SETBP1: variants seen among roughly 807,000 people sequenced by gnomAD.
SETBP1 encodes SET-binding protein.
In SETBP1, 9 loss-of-function variants were observed where a neutral mutation model predicts 101.0. The observed-to-expected ratio is 0.09, with a 90% CI of 0.05 to 0.16. The LOEUF is 0.16. Ranked by LOEUF, SETBP1 falls within the 10% of genes least tolerant of loss-of-function variation. The pLI, the probability that SETBP1 is intolerant of heterozygous loss-of-function variation, is 1.00. For missense variants in SETBP1, 1,858 were observed against 2,033.8 expected (o/e 0.91, Z 1.66); for synonymous variants, 818 against 788.5 (o/e 1.04, Z -0.63).
intron 5 of SETBP1, among the ~76,000 whole-genome samples, chr18:45,039,022 G>A (rs1175012693): frequency 6.6e-6 from 1 of 152,144 alleles, no homozygotes; most frequent in East Asian, 1.9e-4. Flanking sequence ...ATAAGCACTT[G>A]TATCCTCATT....
At chr18:44,957,584 T>C (rs2071517092) in intron 4 of SETBP1, among the ~76,000 whole-genome samples, 1 of 152,130 alleles carries the variant, frequency 6.6e-6, no homozygotes, top group South Asian at 2.1e-4. Context: ...CCTGGCCCCC[T>C]CCACCTCTCC....
chr18:44,976,421 A>G (rs1390823271), intron 4 of SETBP1, among the ~76,000 whole-genome samples: 12 of 152,208 alleles, frequency 7.9e-5, no homozygotes, highest in African/African-American at 2.9e-4. Context: ...ATTAAAAAAG[A>G]TTTGCATGGT....
At chr18:44,807,223 G>A (rs1249542779) in intron 2 of SETBP1, among the ~76,000 whole-genome samples, 4 of 152,030 alleles carry the variant, frequency 2.6e-5, no homozygotes, top group Non-Finnish European at 5.9e-5. Flanking sequence ...TTTATAGATT[G>A]TACATATAGT....
intron 2 of SETBP1, among the ~76,000 whole-genome samples, chr18:44,803,485 C>G (rs544061589): frequency 6.6e-6 from 1 of 152,286 alleles, no homozygotes; most frequent in Non-Finnish European, 1.5e-5. Flanking sequence ...ACTTCTTAGA[C>G]TGAGTCTCCC....
intron 2 of SETBP1, among the ~76,000 whole-genome samples, chr18:44,830,593 G>A (rs552447698): frequency 4.6e-5 from 7 of 152,266 alleles, no homozygotes; most frequent in African/African-American, 1.7e-4. Context: ...CTGCTTATTT[G>A]ATTGTGCAGT....
Position 44,701,433 on chromosome 18 carries a change from T to G in SETBP1, c.87T>G (p.Ala29=). The G allele has an allele frequency of 6.2e-7, 1 of 1,605,752 alleles. No homozygotes were observed. Among genetic ancestry groups the G allele is most frequent in the South Asian group, 1.1e-5 (1 of 90,134 alleles). ...FLPVSSAKPP[A]APGCAGEPLL... is the part of the protein sequence containing the mutation. Reference sequence around the variant, plus strand: ...CGGTCTCCTCAGCCAAGCCCCCAGCTGCTCCTGGCTGTGCAGGAGAACCTT... The same window carrying G: ...CGGTCTCCTCAGCCAAGCCCCCAGCGGCTCCTGGCTGTGCAGGAGAACCTT... The change falls in exon 2 of 6, where the codon GCT becomes GCG. Residue 29 remains alanine (A), a synonymous_variant. Coordinates refer to ENST00000649279, the MANE Select transcript of SETBP1 (RefSeq NM_015559.3).
At position 45,067,571 on chromosome 18, in the gene SETBP1, A is replaced by ACTAC. The variant is rs2073985125; in HGVS notation, c.*3874_*3875insTACC. 6.6e-6 allele frequency: 1 copy of ACTAC among 152,226 alleles called. No individual in the cohort carries two copies. The highest frequency in any genetic ancestry group is 6.5e-5 in the Admixed American group (1 of 15,284). The allele number at this position is 152,226 out of a possible 1,614,324, so 9.4% of individuals were successfully genotyped here. On this transcript the variant is annotated 3_prime_UTR_variant, in exon 6 of 6. Coordinates refer to ENST00000649279, the MANE Select transcript of SETBP1 (RefSeq NM_015559.3). ...TAGATAAATATAGACGTTATTCTCA[A>ACTAC]CACTACCCTATAGTATCACAGTGGT...
intron 2 of SETBP1, among the ~76,000 whole-genome samples, chr18:44,868,667 C>CAAGA (rs2069182939): frequency 1.1e-5 from 1 of 87,128 alleles, no homozygotes; most frequent in East Asian, 3.8e-4. Context: ...TGTACTCCAG[C>CAAGA]GAGAGAGAGA....
At chr18:44,960,597 A>T (rs1273932275) in intron 4 of SETBP1, among the ~76,000 whole-genome samples, 1 of 151,600 alleles carries the variant, frequency 6.6e-6, no homozygotes, top group Non-Finnish European at 1.5e-5. Context: ...TCCCTCCTCC[A>T]CCTCCCAAAG....
At chr18:44,954,344 A>AC (rs201170377) in intron 4 of SETBP1, among the ~76,000 whole-genome samples, 13,908 of 149,812 alleles carry the variant, frequency 0.093, 861 homozygotes, top group Admixed American at 0.19. Context: ...AAAAAAAAAA[A>AC]AAAAAAAAAA....
At chr18:44,961,863 G>T (rs969920937) in intron 4 of SETBP1, among the ~76,000 whole-genome samples, 4 of 152,190 alleles carry the variant, frequency 2.6e-5, no homozygotes, top group Non-Finnish European at 4.4e-5. Context: ...GAATGAACAA[G>T]TTATCACAAG....
At chr18:44,800,249 T>C (rs1251230650) in intron 2 of SETBP1, among the ~76,000 whole-genome samples, 3 of 152,178 alleles carry the variant, frequency 2.0e-5, no homozygotes, top group Non-Finnish European at 4.4e-5. Context: ...ACATAAATTT[T>C]AAAAATGCCT....
At chr18:45,018,847 A>T (rs527803930) in intron 4 of SETBP1, among the ~76,000 whole-genome samples, 349 of 152,338 alleles carry the variant, frequency 2.3e-3, no homozygotes, top group Admixed American at 3.6e-3. Flanking sequence ...GCATAGGCTC[A>T]TGCTCCCTGC....
chr18:45,048,452 G>GATCATAAT (rs1182731362), intron 5 of SETBP1, among the ~76,000 whole-genome samples: 1 of 152,126 alleles, frequency 6.6e-6, no homozygotes, highest in Non-Finnish European at 1.5e-5. Context: ...TGATGACTTA[G>GATCATAAT]ATCATAATAT....
chr18:44,895,529 A>G (rs1022200755), intron 3 of SETBP1, among the ~76,000 whole-genome samples: 6 of 152,142 alleles, frequency 3.9e-5, no homozygotes, highest in Non-Finnish European at 7.3e-5. Context: ...AGAAAATGGC[A>G]GTGACCTTTG....
chr18:44,979,741 A>T (rs2072069944), intron 4 of SETBP1, among the ~76,000 whole-genome samples: 1 of 152,248 alleles, frequency 6.6e-6, no homozygotes, highest in Admixed American at 6.5e-5. Context: ...AGAGAAACGA[A>T]ATATGGTCAA....
rs62090510 is a variant in SETBP1, at chr18:45,043,367, A to T, written c.4171+4712A>T. On this transcript the variant is annotated intron_variant, in intron 5 of 5. Coordinates refer to ENST00000649279, the MANE Select transcript of SETBP1 (RefSeq NM_015559.3). ...TATCCTTTCTCTCTCTCTCTCTCTC[A>T]CACACTCACACACTCACACACACAC... 0.029 allele frequency among the ~76,000 whole-genome samples: 652 copies of T among 22,234 alleles called. 4 individuals carry two copies. In the Middle Eastern group the frequency reaches 0.31, roughly 11 times the overall value. The allele number at this position is 22,234 out of a possible 152,430, so 14.6% of individuals were successfully genotyped here. A position where few individuals can be genotyped will look rare whatever the true frequency, so the allele number is the denominator to read the frequency against.
intron 4 of SETBP1, among the ~76,000 whole-genome samples, chr18:45,012,391 G>T (rs1029905629): frequency 1.3e-5 from 2 of 152,136 alleles, no homozygotes; most frequent in African/African-American, 2.4e-5. Context: ...TGTAGAGATT[G>T]CCCCCAGTTG....
At chr18:44,882,613 T>A (rs2069556072) in intron 3 of SETBP1, among the ~76,000 whole-genome samples, 2 of 152,064 alleles carry the variant, frequency 1.3e-5, no homozygotes, top group Non-Finnish European at 2.9e-5. Context: ...TGCCTCCTAG[T>A]GAGTGACTCT....
Sources: gnomAD v4.1 joint callset for allele counts (sites outside exome capture counted in the v4.1 genomes callset) on GRCh38, gnomAD v4.1.1 for gene constraint, MANE v1.5 for transcripts, NCBI Gene and HGNC (gene_info 2026-07-23, HGNC 2026-07-21) for gene names.